ASPH: variants seen among roughly 807,000 people sequenced by gnomAD.
ASPH encodes aspartyl/asparaginyl beta-hydroxylase.
ASPH carries 100 observed loss-of-function variants against 118.4 expected under a neutral mutation model. That is an observed-to-expected ratio of 0.84 (90% CI 0.72 to 1.00). ASPH has a LOEUF of 1.00. Ranked by LOEUF, ASPH falls within the 50% of genes least tolerant of loss-of-function variation. The probability of loss-of-function intolerance (pLI) is 0.00; values close to 1 mark genes in which losing one functional copy is unlikely to be tolerated. For missense variants in ASPH, 920 were observed against 919.5 expected (o/e 1.00, Z -0.01); for synonymous variants, 315 against 325.6 (o/e 0.97, Z 0.35).
At chr8:61,625,277 A>G (rs1852334886) in intron 13 of ASPH, 1 of 985,744 alleles carries the variant, frequency 1.0e-6, no homozygotes, top group Non-Finnish European at 1.2e-6. Context: ...ATTGCCGTGA[A>G]ATAGCAGCAG....
chr8:61,695,331 C>T (rs1376210121), intron 1 of ASPH, among the ~76,000 whole-genome samples: 2 of 152,222 alleles, frequency 1.3e-5, no homozygotes, highest in Non-Finnish European at 1.5e-5. Flanking sequence ...ACAACATCTT[C>T]CATGTGGCCT....
chr8:61,600,071 T>C (rs1054792702), intron 14 of ASPH, among the ~76,000 whole-genome samples: 1 of 152,108 alleles, frequency 6.6e-6, no homozygotes, highest in Non-Finnish European at 1.5e-5. Flanking sequence ...TGATCAAGTG[T>C]GATTTATCCC....
intron 21 of ASPH, among the ~76,000 whole-genome samples, chr8:61,538,256 T>A (rs914326782): frequency 6.6e-6 from 1 of 152,190 alleles, no homozygotes; most frequent in Non-Finnish European, 1.5e-5. Context: ...CACCGTTAAA[T>A]CATGTAATTA....
At chr8:61,712,159 G>C (rs72659059) in intron 1 of ASPH, among the ~76,000 whole-genome samples, 24,200 of 152,120 alleles carry the variant, frequency 0.16, 2,028 homozygotes, top group South Asian at 0.3. Context: ...ATTTGAGCAG[G>C]AAACTAAATG....
Position 61,653,642 on chromosome 8 carries a change from G to T in ASPH, c.341C>A (p.Thr114Asn), listed in dbSNP as rs1342991534. The T allele has an allele frequency of 6.2e-7, 1 of 1,613,760 alleles. No individual in the cohort carries two copies. Among genetic ancestry groups the T allele is most frequent in the African/African-American group, 1.3e-5 (1 of 74,922 alleles). Residue 114 changes from threonine to asparagine, a missense_variant, in exon 4 of 25, where the codon ACT becomes AAT. By Grantham distance (65) the Thr-to-Asn change is moderately conservative (BLOSUM62 0). Transcript: ENST00000379454. ...TTCTGGCGGGACTGCTGGCTCTGAA[G>T]TAGATCTCTCTTTAAGTCCTGCATT... ...KVLLGLKERS[T>N]SEPAVPPEEA...
chr8:61,579,420 C>A (rs1016123729), intron 15 of ASPH: 1 of 1,613,044 alleles, frequency 6.2e-7, no homozygotes, highest in South Asian at 1.1e-5. Flanking sequence ...CAAAGAGAGC[C>A]GGCTGAAGTC....
intron 15 of ASPH, chr8:61,583,541 CAAAAAAAA>C (rs11311318): frequency 1.0e-3 from 114 of 112,910 alleles, no homozygotes; most frequent in Non-Finnish European, 1.1e-3. Flanking sequence ...AGGCTCTGTC[CAAAAAAAA>C]AAAAAAAAAA....
chr8:61,520,852 T>G (rs1812697432), intron 22 of ASPH, among the ~76,000 whole-genome samples: 1 of 152,238 alleles, frequency 6.6e-6, no homozygotes, highest in Non-Finnish European at 1.5e-5. Flanking sequence ...CAGATGTGCC[T>G]TACCTGAATG....
At chr8:61,575,136 C>T (rs1181426919) in intron 16 of ASPH, among the ~76,000 whole-genome samples, 3 of 152,162 alleles carry the variant, frequency 2.0e-5, no homozygotes, top group African/African-American at 4.8e-5. Context: ...TTGTCCAAAG[C>T]GCTGTCTGCC....
intron 1 of ASPH, among the ~76,000 whole-genome samples, chr8:61,697,284 T>C (rs897770123): frequency 6.6e-6 from 1 of 152,218 alleles, no homozygotes; most frequent in Non-Finnish European, 1.5e-5. Flanking sequence ...CTATATTTTC[T>C]CCTTCTGTAC....
chr8:61,649,205 G>A lies in ASPH; in HGVS notation c.490+1845C>T, dbSNP rs559325870. Reference sequence around the variant, plus strand: ...CCCTAGAGAGCCAAAATCAGTGCTGGGGCAATGCTGACAGGATTTGCTGAT... The same window carrying A: ...CCCTAGAGAGCCAAAATCAGTGCTGAGGCAATGCTGACAGGATTTGCTGAT... On this transcript the variant is annotated intron_variant, in intron 5 of 24. Transcript: ENST00000379454. 2.0e-5 allele frequency among the ~76,000 whole-genome samples: 3 copies of A among 152,280 alleles called. No homozygotes were observed. In the South Asian group the frequency reaches 6.2e-4, roughly 32 times the overall value.
chr8:61,694,316 G>A (rs768422101), intron 1 of ASPH, among the ~76,000 whole-genome samples: 3 of 151,892 alleles, frequency 2.0e-5, no homozygotes, highest in Non-Finnish European at 4.4e-5. Context: ...CCTCCATCCC[G>A]CTGCTAGCCC....
intron 13 of ASPH, among the ~76,000 whole-genome samples, chr8:61,621,908 T>C (rs146261305): frequency 6.6e-6 from 1 of 152,384 alleles, no homozygotes; most frequent in East Asian, 1.9e-4. Context: ...GATGTTACAC[T>C]ACTCTTTACC....
intron 14 of ASPH, among the ~76,000 whole-genome samples, chr8:61,615,741 A>G (rs1256552373): frequency 6.6e-6 from 1 of 152,252 alleles, no homozygotes; most frequent in Non-Finnish European, 1.5e-5. Flanking sequence ...AAACATAAAA[A>G]TAATCTGATT....
intron 21 of ASPH, among the ~76,000 whole-genome samples, chr8:61,539,070 G>A (rs1302030584): frequency 3.3e-5 from 5 of 151,916 alleles, no homozygotes; most frequent in African/African-American, 9.7e-5. Context: ...GGTGAAACCC[G>A]TCTCTACTAA....
At chr8:61,616,640 T>C (rs1463031249) in intron 14 of ASPH, among the ~76,000 whole-genome samples, 2 of 152,240 alleles carry the variant, frequency 1.3e-5, no homozygotes. Flanking sequence ...TTACACACTC[T>C]AGGCTTGTTC....
chr8:61,562,982 A>C (rs750261988), intron 17 of ASPH, 102 bp from the exon 18 acceptor site: 1 of 1,195,554 alleles, frequency 8.4e-7, no homozygotes, highest in Non-Finnish European at 1.1e-6. Context: ...AGAGCCTGAG[A>C]ACCAGCTCAA....
At chr8:61,584,598 TTC>T (rs1020048201) in intron 14 of ASPH, among the ~76,000 whole-genome samples, 2 of 151,500 alleles carry the variant, frequency 1.3e-5, no homozygotes, top group African/African-American at 2.4e-5. Flanking sequence ...GTGCCATTTC[TTC>T]TCTTTCTTTC....
chr8:61,652,569 G>C (rs1025485511), intron 4 of ASPH, among the ~76,000 whole-genome samples: 1 of 152,160 alleles, frequency 6.6e-6, no homozygotes, highest in Non-Finnish European at 1.5e-5. Flanking sequence ...AGTAATAGTG[G>C]ATTCTTCTTT....
Sources: allele counts gnomAD v4.1 joint callset (sites outside exome capture counted in the v4.1 genomes callset), GRCh38; gene constraint gnomAD v4.1.1; transcripts MANE v1.5; gene names NCBI Gene and HGNC (gene_info 2026-07-23, HGNC 2026-07-21).